FFAR4: variants seen among roughly 807,000 people sequenced by gnomAD.
FFAR4 encodes the protein G-protein coupled receptor 120.
FFAR4 carries 19 observed loss-of-function variants against 27.0 expected under a neutral mutation model. That is an observed-to-expected ratio of 0.70 (90% CI 0.49 to 1.03). FFAR4 has a LOEUF of 1.03. FFAR4 is among the 50% of genes least tolerant of loss of function. The probability of loss-of-function intolerance (pLI) is 0.00; values close to 1 mark genes in which losing one functional copy is unlikely to be tolerated. For synonymous variants in FFAR4, 254 were observed against 215.6 expected, an observed-to-expected ratio of 1.18 and a Z score of -1.56; for missense variants, 476 against 479.0, an observed-to-expected ratio of 0.99 and a Z score of 0.06.
intron 1 of FFAR4, among the ~76,000 whole-genome samples, chr10:93,571,489 A>G (rs1442157601): frequency 1.3e-5 from 2 of 152,098 alleles, no homozygotes; most frequent in South Asian, 2.1e-4. Context: ...AAGAGATGGA[A>G]CCAGAATTTA....
chr10:93,568,190 C>T (rs1367914699), intron 1 of FFAR4, among the ~76,000 whole-genome samples: 1 of 151,992 alleles, frequency 6.6e-6, no homozygotes, highest in Non-Finnish European at 1.5e-5. Context: ...GGTTCGTGCG[C>T]CGGGATCCAC....
Position 93,587,678 on chromosome 10 carries a change from A to G in FFAR4, c.*69A>G. On this transcript the variant is annotated 3_prime_UTR_variant, in exon 3 of 3. Transcript: ENST00000371481. Reference sequence around the variant, plus strand: ...ATGCTTTTAAACAGAGTTCATTTCCAGTACCCTCCATCAGTGCACCCTGCT... The same window carrying G: ...ATGCTTTTAAACAGAGTTCATTTCCGGTACCCTCCATCAGTGCACCCTGCT... The G allele has an allele frequency of 6.9e-7, 1 of 1,456,970 alleles. No homozygotes were observed. 90.3% of individuals were successfully genotyped at this position (1,456,970 alleles called of 1,614,324 possible). A position where few individuals can be genotyped will look rare whatever the true frequency, so the allele number is the denominator to read the frequency against.
chr10:93,582,162 C>T (rs1423612979), intron 2 of FFAR4, among the ~76,000 whole-genome samples: 1 of 152,122 alleles, frequency 6.6e-6, no homozygotes, highest in Non-Finnish European at 1.5e-5. Context: ...AGAGGAGCCA[C>T]ATTTGATTAT....
Position 93,587,534 on chromosome 10 carries a change from C to T in FFAR4, c.1011C>T (p.Phe337=), listed in dbSNP as rs1333203140. The T allele has an allele frequency of 6.2e-7, 1 of 1,613,978 alleles. No homozygotes were observed. The highest frequency in any genetic ancestry group is 2.2e-5 in the East Asian group (1 of 44,900). The stretch of plus-strand genomic sequence containing the variant: ...AGTGGAAGAAAATTTTTTGCTGCTT[C>T]TGGTTCCCAGAAAAGGGAGCCATTT... The part of the protein sequence containing the change: ...RNEWKKIFCC[F]WFPEKGAILT... Residue 337 remains phenylalanine, a synonymous_variant, in exon 3 of 3, where the codon TTC becomes TTT. Coordinates refer to ENST00000371481, the MANE Select transcript of FFAR4 (RefSeq NM_001195755.2).
chr10:93,584,097 T>C (rs2058214333), intron 2 of FFAR4, among the ~76,000 whole-genome samples: 1 of 152,232 alleles, frequency 6.6e-6, no homozygotes, highest in South Asian at 2.1e-4. Flanking sequence ...TGATATTCTC[T>C]TAGATCTAAC....
chr10:93,587,688 A>C lies in FFAR4; in HGVS notation c.*79A>C. The C allele has an allele frequency of 1.5e-6, 2 of 1,352,200 alleles. No individual in the cohort carries two copies. Among genetic ancestry groups the C allele is most frequent in the South Asian group, 2.6e-5 (2 of 75,596 alleles). The allele number at this position is 1,352,200 out of a possible 1,614,324, so 83.8% of individuals were successfully genotyped here. On this transcript the variant is annotated 3_prime_UTR_variant, in exon 3 of 3. Transcript: ENST00000371481. ...ACAGAGTTCATTTCCAGTACCCTCC[A>C]TCAGTGCACCCTGCTTTAAGAAAAT...
In FFAR4 at chr10:93,566,838, G is replaced by A. The variant is rs756551232; in HGVS notation, c.118G>A (p.Ala40Thr). The A allele has an allele frequency of 5.0e-6, 8 of 1,601,068 alleles. No homozygotes were observed. In the South Asian group the frequency reaches 8.9e-5, roughly 18 times the overall value. ...DVKGDHRLVL[A>T]AVETTVLVLI... ...CAAGGGCGACCACCGGCTGGTGCTG[G>A]CCGCGGTGGAGACAACCGTGCTGGT... Residue 40 changes from alanine (A) to threonine (T), a missense_variant, in exon 1 of 3, where the codon GCC becomes ACC. Physicochemically the swap from Ala to Thr is moderately conservative, Grantham distance 58. Coordinates refer to ENST00000371481, the MANE Select transcript of FFAR4 (RefSeq NM_001195755.2).
At chr10:93,583,775 T>A (rs1272836537) in intron 2 of FFAR4, among the ~76,000 whole-genome samples, 2 of 152,214 alleles carry the variant, frequency 1.3e-5, no homozygotes, top group Admixed American at 6.5e-5. Flanking sequence ...ACAGTACATA[T>A]GTCACAGAAT....
Position 93,589,239 on chromosome 10 carries a change from G to GC in FFAR4, c.*1634dup. The GC allele has an allele frequency of 6.6e-6, 1 of 152,440 alleles. No homozygotes were observed. The allele number at this position is 152,440 out of a possible 1,614,324, so 9.4% of individuals were successfully genotyped here. A position where few individuals can be genotyped will look rare whatever the true frequency, so the allele number is the denominator to read the frequency against. ...CCTAGGAGTTTATTCTGTTCTCCAA[G>GC]CCCCTGGAGGTTGGCAACTGGAGGC... On this transcript the variant is annotated 3_prime_UTR_variant, in exon 3 of 3. Transcript: ENST00000371481.
In FFAR4 at chr10:93,587,759, G is replaced by T; in HGVS notation, c.*150G>T. Reference sequence around the variant, plus strand: ...CCACAGCGTCGGTAAATTAAGGGGTGATCACCAAGTTTCATAATATTTTCC... The same window carrying T: ...CCACAGCGTCGGTAAATTAAGGGGTTATCACCAAGTTTCATAATATTTTCC... On this transcript the variant is annotated 3_prime_UTR_variant, in exon 3 of 3. Transcript: ENST00000371481. 1 of 736,118 alleles carries T rather than the reference G, an allele frequency of 1.4e-6. No homozygotes were observed. The highest frequency in any genetic ancestry group is 2.5e-5 in the East Asian group (1 of 39,536). 45.6% of individuals were successfully genotyped at this position (736,118 alleles called of 1,614,324 possible).
At chr10:93,572,334 A>G (rs963425551) in intron 1 of FFAR4, among the ~76,000 whole-genome samples, 10 of 152,210 alleles carry the variant, frequency 6.6e-5, no homozygotes, top group Non-Finnish European at 1.5e-5. Context: ...CGAGGAGGAC[A>G]TTGTAGGCAG....
intron 2 of FFAR4, among the ~76,000 whole-genome samples, chr10:93,578,035 A>G (rs748191300): frequency 5.9e-5 from 9 of 152,146 alleles, no homozygotes; most frequent in African/African-American, 1.2e-4. Flanking sequence ...GAGAAACTGA[A>G]CACAAGGTGG....
In FFAR4 at chr10:93,579,327, AC is replaced by A; in HGVS notation, c.696+3111del. The A allele has an allele frequency of 4.9e-6, 4 of 823,442 alleles. No individual in the cohort carries two copies. The South Asian group carries it at 6.2e-5, about 13-fold the overall frequency. 51.0% of individuals were successfully genotyped at this position (823,442 alleles called of 1,614,324 possible). A position where few individuals can be genotyped will look rare whatever the true frequency, so the allele number is the denominator to read the frequency against. ...GCTGCCGTTCTCACCTTCATATTTC[AC>A]CCTCCCTTGTGTCCACATTGGCCTT... On this transcript the variant is annotated intron_variant, in intron 2 of 2. Coordinates refer to ENST00000371481, the MANE Select transcript of FFAR4 (RefSeq NM_001195755.2).
rs572044850 is a variant in FFAR4, at chr10:93,581,022, T to G, written c.696+4803T>G. On this transcript the variant is annotated intron_variant, in intron 2 of 2. Transcript: ENST00000371481. ...CTGTTGCCATGACAACTGAGATGCC[T>G]CTACCCTTTTGTAACAGTGGATGTT... Among the ~76,000 whole-genome samples, 93 of 152,360 alleles carry G rather than the reference T, an allele frequency of 6.1e-4. 1 individual carries two copies. Among genetic ancestry groups the G allele is most frequent in the African/African-American group, 2.2e-3 (92 of 41,590 alleles).
At chr10:93,570,199 C>A (rs2058124136) in intron 1 of FFAR4, among the ~76,000 whole-genome samples, 1 of 151,710 alleles carries the variant, frequency 6.6e-6, no homozygotes, top group Non-Finnish European at 1.5e-5. Flanking sequence ...CACACACACA[C>A]ACACACACAC....
chr10:93,567,090 G>A lies in FFAR4; in HGVS notation c.370G>A (p.Val124Ile), dbSNP rs2058102154. Residue 124 changes from valine to isoleucine, a missense_variant, in exon 1 of 3, where the codon GTC becomes ATC. By Grantham distance (29) the Val-to-Ile change is conservative. Transcript: ENST00000371481. ...LFYVMTLSGS[V>I]TILTLAAVSL... The stretch of plus-strand genomic sequence containing the variant: ...CTACGTGATGACCCTGAGCGGCAGC[G>A]TCACCATCCTCACGCTGGCCGCGGT... 2 of 1,609,974 alleles carry A rather than the reference G, an allele frequency of 1.2e-6. No individual in the cohort carries two copies. Among genetic ancestry groups the A allele is most frequent in the Non-Finnish European group, 1.7e-6 (2 of 1,179,086 alleles).
At chr10:93,576,327 CA>C (rs1161918208) in intron 2 of FFAR4, 108 bp downstream of exon 2, 33 of 1,139,024 alleles carry the variant, frequency 2.9e-5, no homozygotes, top group African/African-American at 4.6e-5. Context: ...CACGCCAGCT[CA>C]ATCTTGATTC....
At chr10:93,571,284 A>T (rs1304492924) in intron 1 of FFAR4, among the ~76,000 whole-genome samples, 1 of 152,134 alleles carries the variant, frequency 6.6e-6, no homozygotes, top group East Asian at 1.9e-4. Context: ...TGTGCTGCCC[A>T]TTCATTCTGC....
chr10:93,586,572 A>G (rs1238585417), intron 2 of FFAR4, among the ~76,000 whole-genome samples: 2 of 152,226 alleles, frequency 1.3e-5, no homozygotes, highest in African/African-American at 4.8e-5. Flanking sequence ...ATAAATTGCA[A>G]CCACCATTTA....
Sources: gnomAD v4.1 joint callset for allele counts (sites outside exome capture counted in the v4.1 genomes callset) on GRCh38, gnomAD v4.1.1 for gene constraint, MANE v1.5 for transcripts, NCBI Gene and HGNC (gene_info 2026-07-23, HGNC 2026-07-21) for gene names.